The following CRYM variants were observed in gnomAD, a reference collection of about 807,000 sequenced individuals.
CRYM encodes crystallin mu, also known as ketimine reductase mu-crystallin.
CRYM carries 18 observed loss-of-function variants against 32.9 expected under a neutral mutation model. The ratio of observed to expected loss-of-function variants is 0.55; its 90% confidence interval spans 0.38 to 0.81. The LOEUF (loss-of-function observed/expected upper bound fraction) is 0.81, where lower values mean the gene tolerates loss of function less well. CRYM is among the 30% of genes least tolerant of loss of function. The probability of loss-of-function intolerance (pLI) is 0.00; values close to 1 mark genes in which losing one functional copy is unlikely to be tolerated. For synonymous variants in CRYM, 153 were observed against 152.4 expected (o/e 1.00, Z -0.03); for missense variants, 337 against 393.5 (o/e 0.86, Z 1.21).
At chr16:21,292,727 AGATG>A (rs1217010170) in intron 1 of CRYM, among the ~76,000 whole-genome samples, 2 of 143,692 alleles carry the variant, frequency 1.4e-5, no homozygotes, top group East Asian at 2.0e-4. Flanking sequence ...CATAGATGAC[AGATG>A]GATGGATGGA....
intron 7 of CRYM, 89 bp from the exon 8 acceptor site, chr16:21,258,934 A>G: frequency 9.6e-7 from 1 of 1,041,234 alleles, no homozygotes. Flanking sequence ...TTCCTGATAC[A>G]TGTCCATGTT....
intron 1 of CRYM, among the ~76,000 whole-genome samples, chr16:21,294,365 G>A (rs563845680): frequency 2.6e-5 from 4 of 152,144 alleles, no homozygotes; most frequent in African/African-American, 9.6e-5. Context: ...TTTAAGTTCC[G>A]GGATACATGT....
At chr16:21,286,478 C>T (rs1375460090) in intron 1 of CRYM, among the ~76,000 whole-genome samples, 17 of 151,612 alleles carry the variant, frequency 1.1e-4, no homozygotes, top group South Asian at 4.2e-4. Context: ...CCACCCGCCT[C>T]GGCCTCCCAA....
chr16:21,287,859 A>G (rs1439504258), intron 1 of CRYM, among the ~76,000 whole-genome samples: 1 of 152,152 alleles, frequency 6.6e-6, no homozygotes, highest in African/African-American at 2.4e-5. Flanking sequence ...TAGTTCTGTG[A>G]GTTGTTTTTA....
intron 2 of CRYM, among the ~76,000 whole-genome samples, chr16:21,276,765 C>T (rs537502673): frequency 2.5e-4 from 38 of 152,310 alleles, no homozygotes; most frequent in African/African-American, 3.1e-4. Flanking sequence ...TTAGACTGAG[C>T]AGCTCTGAAG....
chr16:21,285,363 A>G (rs1227140711), intron 1 of CRYM, among the ~76,000 whole-genome samples: 2 of 152,208 alleles, frequency 1.3e-5, no homozygotes, highest in African/African-American at 4.8e-5. Context: ...GCTTGGCTGT[A>G]TCTGTAATAC....
rs1597621692 is a variant in CRYM at position 21,277,705 on chromosome 16, C to T, written c.171-121G>A. The T allele has an allele frequency of 2.2e-5, 24 of 1,081,276 alleles. No homozygotes were observed. The East Asian group carries it at 6.1e-4, about 28-fold the overall frequency. The allele number at this position is 1,081,276 out of a possible 1,614,324, so 67.0% of individuals were successfully genotyped here. ...CCACCCCACTGGCCCTCTTCCAGCC[C>T]CCGCATCCCTCTGCCCTTCCCTTAG... is the stretch of plus-strand genomic sequence containing the variant. On this transcript the variant is annotated intron_variant, in intron 1 of 7. Coordinates refer to ENST00000572914, the MANE Select transcript of CRYM (RefSeq NM_001376256.1). The surrounding 1 kb of genome is among the most constrained non-coding windows in gnomAD (Gnocchi z 4.2).
intron 1 of CRYM, among the ~76,000 whole-genome samples, chr16:21,297,444 T>C (rs1960812298): frequency 6.6e-6 from 1 of 152,146 alleles, no homozygotes; most frequent in Non-Finnish European, 1.5e-5. Flanking sequence ...GAATGCTGTT[T>C]CTATTAGCTC....
intron 1 of CRYM, among the ~76,000 whole-genome samples, chr16:21,302,708 C>T (rs1297976490): frequency 6.6e-6 from 1 of 152,156 alleles, no homozygotes; most frequent in Non-Finnish European, 1.5e-5. Context: ...GGCTCCTACC[C>T]TCCCACAGAA....
At position 21,258,694 on chromosome 16, in the gene CRYM, G is replaced by C. The variant is rs963889665; in HGVS notation, c.*87C>G. 1 of 1,099,880 alleles carries C rather than the reference G, an allele frequency of 9.1e-7. No homozygotes were observed. The highest frequency in any genetic ancestry group is 1.5e-5 in the African/African-American group (1 of 65,012). The allele number at this position is 1,099,880 out of a possible 1,614,324, so 68.1% of individuals were successfully genotyped here. A position where few individuals can be genotyped will look rare whatever the true frequency, so the allele number is the denominator to read the frequency against. The stretch of plus-strand genomic sequence containing the variant: ...AAGCACAAAAGGAGAGTTCACTGGG[G>C]ACTGGACTCCCTCATTTACTCTAGA... On this transcript the variant is annotated 3_prime_UTR_variant, in exon 8 of 8. Coordinates refer to ENST00000572914, the MANE Select transcript of CRYM (RefSeq NM_001376256.1).
chr16:21,297,185 G>A (rs1362666270), intron 1 of CRYM, among the ~76,000 whole-genome samples: 1 of 151,692 alleles, frequency 6.6e-6, no homozygotes, highest in African/African-American at 2.4e-5. Flanking sequence ...CTGAGGTCAG[G>A]AGTTCGAGAC....
At chr16:21,293,755 C>T (rs1210223500) in intron 1 of CRYM, among the ~76,000 whole-genome samples, 1 of 152,150 alleles carries the variant, frequency 6.6e-6, no homozygotes, top group East Asian at 1.9e-4. Flanking sequence ...AGAAACTGCA[C>T]TTCACTGTAT....
At chr16:21,299,284 A>G (rs1343208105) in intron 1 of CRYM, among the ~76,000 whole-genome samples, 1 of 151,736 alleles carries the variant, frequency 6.6e-6, no homozygotes, top group African/African-American at 2.4e-5. Flanking sequence ...TCGTAGCAAC[A>G]TTAGGCTTTT....
At chr16:21,298,071 C>CACCT (rs1379907158) in intron 1 of CRYM, among the ~76,000 whole-genome samples, 1 of 152,214 alleles carries the variant, frequency 6.6e-6, no homozygotes. Context: ...TCCCTGCAGG[C>CACCT]ACCTGTCTCT....
At chr16:21,263,323 C>T (rs1354394634) in intron 5 of CRYM, among the ~76,000 whole-genome samples, 1 of 152,130 alleles carries the variant, frequency 6.6e-6, no homozygotes, top group Non-Finnish European at 1.5e-5. Flanking sequence ...ATCTCTTGAA[C>T]CTGGGAGTTG....
intron 1 of CRYM, among the ~76,000 whole-genome samples, chr16:21,291,498 T>C (rs1306303039): frequency 6.6e-6 from 1 of 152,142 alleles, no homozygotes; most frequent in African/African-American, 2.4e-5. Flanking sequence ...ATGTAAAAAC[T>C]TGCTCAACAC....
intron 1 of CRYM, among the ~76,000 whole-genome samples, chr16:21,288,372 T>G (rs2093410819): frequency 6.6e-6 from 1 of 152,232 alleles, no homozygotes; most frequent in Non-Finnish European, 1.5e-5. Context: ...TTCATCTAGG[T>G]TATGAATTGT....
Position 21,261,343 on chromosome 16 carries a change from G to A in CRYM, c.796-5C>T, listed in dbSNP as rs780422038. 2.5e-6 allele frequency: 4 copies of A among 1,613,206 alleles called. No homozygotes were observed. Among genetic ancestry groups the A allele is most frequent in the South Asian group, 1.1e-5 (1 of 91,036 alleles). On this transcript the variant is annotated splice_polypyrimidine_tract_variant and splice_region_variant and intron_variant, in intron 6 of 7. Transcript: ENST00000572914. ...CAGCTCAGCAAAGATCTCGGCCTAG[G>A]AAACAAACATACGCTGACCCAGGCA...
At chr16:21,282,279 C>T (rs1328585497), upstream of CRYM, among the ~76,000 whole-genome samples, 1 of 152,190 alleles carries the variant, frequency 6.6e-6, no homozygotes, top group African/African-American at 2.4e-5. Flanking sequence ...CAATAAGCCT[C>T]TTTCTTCTGT....
Sources: gnomAD v4.1 joint callset for allele counts (sites outside exome capture counted in the v4.1 genomes callset) on GRCh38, gnomAD v4.1.1 for gene constraint, Gnocchi (gnomAD v3.1) non-coding constraint, MANE v1.5 for transcripts, NCBI Gene and HGNC (gene_info 2026-07-23, HGNC 2026-07-21) for gene names.